The following STAC variants were observed in gnomAD, a reference collection of about 807,000 sequenced individuals.
STAC encodes the protein SH3 and cysteine-rich domain-containing protein.
Under a neutral mutation model 48.8 loss-of-function variants are expected in STAC, and 43 were observed. That is an observed-to-expected ratio of 0.88 (90% confidence interval 0.69 to 1.14). The LOEUF (loss-of-function observed/expected upper bound fraction) is 1.14. STAC is among the 50% of genes most tolerant of loss of function. The pLI is 0.00. For missense variants in STAC, 497 were observed against 504.0 expected, an observed-to-expected ratio of 0.99 and a Z score of 0.13; for synonymous variants, 193 against 179.5, an observed-to-expected ratio of 1.07 and a Z score of -0.60.
intron 2 of STAC, among the ~76,000 whole-genome samples, chr3:36,458,879 G>A (rs962470804): frequency 3.3e-5 from 5 of 152,134 alleles, no homozygotes; most frequent in Admixed American, 6.5e-5. Context: ...TAAGTCACCC[G>A]GAAGTCTTGT....
At chr3:36,504,242 C>T (rs1698345296) in intron 6 of STAC, 151 bp from the exon 7 acceptor site, 1 of 671,954 alleles carries the variant, frequency 1.5e-6, no homozygotes, top group Non-Finnish European at 2.6e-6. Context: ...TGGAAGACCA[C>T]CTGAACGCTG....
At chr3:36,441,185 G>A (rs866757405) in intron 1 of STAC, among the ~76,000 whole-genome samples, 3 of 152,042 alleles carry the variant, frequency 2.0e-5, no homozygotes, top group Admixed American at 6.5e-5. Context: ...TAGAGCACTA[G>A]AACTTATTCT....
chr3:36,414,090 C>G (rs1165052180), intron 1 of STAC, among the ~76,000 whole-genome samples: 2 of 152,218 alleles, frequency 1.3e-5, no homozygotes, highest in Admixed American at 1.3e-4. Flanking sequence ...CGACCTTTCT[C>G]TCTGGCTGCC....
At chr3:36,503,739 C>A (rs989106469) in intron 6 of STAC, among the ~76,000 whole-genome samples, 15 of 152,158 alleles carry the variant, frequency 9.9e-5, no homozygotes, top group African/African-American at 3.6e-4. Flanking sequence ...AGCCTTCCTG[C>A]CCATTTTGTG....
rs143013814 is a variant in STAC at position 36,486,197 on chromosome 3, G to C, written c.635G>C (p.Arg212Thr). The C allele has an allele frequency of 8.1e-6, 13 of 1,613,990 alleles. No homozygotes were observed. Among genetic ancestry groups the C allele is most frequent in the Non-Finnish European group, 1.1e-5 (13 of 1,179,936 alleles). ...TLRFGTSLAQ[R>T]TKKGSSGSGS... ...CGCTTCGGCACCTCCCTGGCCCAGA[G>C]GACAAAGAAGGGCAGCTCCGGCAGT... is the stretch of plus-strand genomic sequence containing the variant. The change falls in exon 5 of 11, where the codon AGG becomes ACG. Residue 212 changes from arginine to threonine, a missense_variant. Coordinates refer to ENST00000273183, the MANE Select transcript of STAC (RefSeq NM_003149.3).
At chr3:36,468,329 C>G (rs901082392) in intron 2 of STAC, among the ~76,000 whole-genome samples, 1 of 151,786 alleles carries the variant, frequency 6.6e-6, no homozygotes, top group Non-Finnish European at 1.5e-5. Flanking sequence ...ATGGTCTATC[C>G]TGGAGAATGT....
chr3:36,534,960 C>G (rs986312769), intron 10 of STAC, among the ~76,000 whole-genome samples: 1 of 152,124 alleles, frequency 6.6e-6, no homozygotes, highest in Admixed American at 6.5e-5. Flanking sequence ...CACCTGGCCT[C>G]TTCATTTTTA....
At chr3:36,511,823 A>G (rs535111253) in intron 8 of STAC, among the ~76,000 whole-genome samples, 2 of 151,746 alleles carry the variant, frequency 1.3e-5, no homozygotes, top group South Asian at 4.2e-4. Context: ...ACCTACCCAA[A>G]CTCTTATAAA....
intron 1 of STAC, among the ~76,000 whole-genome samples, chr3:36,438,269 CA>C (rs1242059586): frequency 6.6e-6 from 1 of 152,116 alleles, no homozygotes; most frequent in African/African-American, 2.4e-5. Context: ...ACCCTATCCA[CA>C]AGGTTGCTAG....
chr3:36,493,623 C>A (rs1424793541), intron 6 of STAC, among the ~76,000 whole-genome samples: 2 of 151,824 alleles, frequency 1.3e-5, no homozygotes, highest in South Asian at 2.1e-4. Flanking sequence ...ATTTGTGCTA[C>A]ACCTTAGGTA....
At chr3:36,475,023 G>A (rs897873139) in intron 2 of STAC, among the ~76,000 whole-genome samples, 3 of 152,018 alleles carry the variant, frequency 2.0e-5, no homozygotes, top group East Asian at 1.9e-4. Context: ...GCGCGCGCAC[G>A]CATGTGTGTT....
chr3:36,395,657 G>T (rs1024709280), intron 1 of STAC, among the ~76,000 whole-genome samples: 5 of 152,196 alleles, frequency 3.3e-5, no homozygotes, highest in Non-Finnish European at 5.9e-5. Context: ...GCTAATGTTA[G>T]CAGTTAGAAG....
intron 1 of STAC, among the ~76,000 whole-genome samples, chr3:36,417,217 A>G (rs539014902): frequency 6.6e-6 from 1 of 152,310 alleles, no homozygotes; most frequent in East Asian, 1.9e-4. Context: ...TCCTTAAAAC[A>G]TGATACCCTG....
chr3:36,516,219 T>C (rs554836534), intron 8 of STAC, among the ~76,000 whole-genome samples: 84 of 152,110 alleles, frequency 5.5e-4, no homozygotes, highest in African/African-American at 1.9e-3. Flanking sequence ...CCTGACCTCG[T>C]GATCCTCCCG....
chr3:36,426,222 C>A (rs1700561224), intron 1 of STAC, among the ~76,000 whole-genome samples: 1 of 152,154 alleles, frequency 6.6e-6, no homozygotes, highest in African/African-American at 2.4e-5. Context: ...TTGATATAAT[C>A]TAACTCTAGG....
chr3:36,473,171 T>C (rs543598039), intron 2 of STAC, among the ~76,000 whole-genome samples: 51 of 152,236 alleles, frequency 3.4e-4, no homozygotes, highest in African/African-American at 1.2e-3. Flanking sequence ...TCATGAGACT[T>C]ATTCACTATC....
At position 36,448,906 on chromosome 3, in the gene STAC, C is replaced by A. The variant is rs1009484307; in HGVS notation, c.388+5266C>A. 4.0e-3 allele frequency among the ~76,000 whole-genome samples: 578 copies of A among 146,220 alleles called. 9 individuals carry two copies. Among genetic ancestry groups the A allele is most frequent in the African/African-American group, 0.014 (542 of 39,106 alleles). ...CAGCCTGGGCAAAACAGTGAACCCC[C>A]CCCCCCACTCCCGACCCAGTCTCTA... On this transcript the variant is annotated intron_variant, in intron 2 of 10. Coordinates refer to ENST00000273183, the MANE Select transcript of STAC (RefSeq NM_003149.3).
At position 36,399,542 on chromosome 3, in the gene STAC, T is replaced by C. The variant is rs576844591; in HGVS notation, c.111+18788T>C. Among the ~76,000 whole-genome samples the C allele has an allele frequency of 1.6e-4, 25 of 152,216 alleles. 1 individual carries two copies. In the South Asian group the frequency reaches 4.6e-3, roughly 28 times the overall value. The stretch of plus-strand genomic sequence containing the variant: ...GGTGTTTCCTCTCAGAAAACACCAT[T>C]TGGAGGGGAGGGATAGCACTTGGCA... On this transcript the variant is annotated intron_variant, in intron 1 of 10. Coordinates refer to ENST00000273183, the MANE Select transcript of STAC (RefSeq NM_003149.3).
chr3:36,411,773 T>C (rs1280528389), intron 1 of STAC, among the ~76,000 whole-genome samples: 1 of 152,162 alleles, frequency 6.6e-6, no homozygotes, highest in Non-Finnish European at 1.5e-5. Context: ...TATGAGTGGG[T>C]CACGAGCATG....
Sources: gnomAD v4.1 joint callset for allele counts (sites outside exome capture counted in the v4.1 genomes callset) on GRCh38, gnomAD v4.1.1 for gene constraint, MANE v1.5 for transcripts, NCBI Gene and HGNC (gene_info 2026-07-23, HGNC 2026-07-21) for gene names.